Variants in ABCC4 observed in about 807,000 individuals in gnomAD.
ABCC4 encodes the protein ATP binding cassette subfamily C member 4 (PEL blood group).
ABCC4 carries 102 observed loss-of-function variants against 168.5 expected under a neutral mutation model. That is an observed-to-expected ratio of 0.61 (90% CI 0.52 to 0.71). The LOEUF is 0.71. Ranked by LOEUF, ABCC4 falls within the 30% of genes least tolerant of loss-of-function variation. The probability of loss-of-function intolerance (pLI) is 0.00; values close to 1 mark genes in which losing one functional copy is unlikely to be tolerated. For synonymous variants in ABCC4, 617 were observed against 590.7 expected, an observed-to-expected ratio of 1.04 and a Z score of -0.65; for missense variants, 1,402 against 1,605.8, an observed-to-expected ratio of 0.87 and a Z score of 2.17.
At chr13:95,029,243 G>A (rs1377542675) in intron 30 of ABCC4, among the ~76,000 whole-genome samples, 16 of 6,156 alleles carry the variant, frequency 2.6e-3, no homozygotes, top group African/African-American at 5.2e-3. Flanking sequence ...GAGAGAGAGA[G>A]AGAGAGAGAG....
At chr13:95,223,472 A>G (rs1284299617) in intron 4 of ABCC4, among the ~76,000 whole-genome samples, 1 of 152,138 alleles carries the variant, frequency 6.6e-6, no homozygotes, top group Non-Finnish European at 1.5e-5. Context: ...AAAGAGATAG[A>G]GATTTTCAGC....
intron 7 of ABCC4, 118 bp from the exon 8 acceptor site, chr13:95,206,899 T>G: frequency 8.1e-7 from 1 of 1,231,388 alleles, no homozygotes; most frequent in Non-Finnish European, 1.1e-6. Flanking sequence ...CCCAGGAGTT[T>G]GAGACCATCC....
chr13:95,040,925 C>T (rs2032330034), intron 29 of ABCC4, among the ~76,000 whole-genome samples: 1 of 152,226 alleles, frequency 6.6e-6, no homozygotes, highest in Admixed American at 6.5e-5. Flanking sequence ...GAAGAATTCT[C>T]TAACTGCAGA....
At chr13:95,273,908 C>CG (rs2040908516) in intron 1 of ABCC4, among the ~76,000 whole-genome samples, 2 of 151,508 alleles carry the variant, frequency 1.3e-5, no homozygotes, top group Admixed American at 6.6e-5. Flanking sequence ...CTCCGCCCCC[C>CG]GGGGTTCACG....
intron 1 of ABCC4, among the ~76,000 whole-genome samples, chr13:95,282,801 G>C (rs1317610441): frequency 6.6e-6 from 1 of 151,878 alleles, no homozygotes; most frequent in Non-Finnish European, 1.5e-5. Context: ...CCAAAGTGCT[G>C]GGATTACAGG....
Position 95,067,633 on chromosome 13 carries a change from G to A in ABCC4, c.3210+4029C>T, listed in dbSNP as rs148908615. ...GCAGGTGATGCTGATCCCAGCCCCT[G>A]AGATGAGCAAGCAGGCAGGGCAAGT... On this transcript the variant is annotated intron_variant, in intron 25 of 30. Coordinates refer to ENST00000645237, the MANE Select transcript of ABCC4 (RefSeq NM_005845.5). Among the ~76,000 whole-genome samples the A allele has an allele frequency of 2.0e-5, 3 of 152,264 alleles. No homozygotes were observed. In the East Asian group the frequency reaches 5.8e-4, roughly 29 times the overall value.
intron 11 of ABCC4, 69 bp downstream of exon 11, chr13:95,186,632 C>A: frequency 7.0e-7 from 1 of 1,428,304 alleles, no homozygotes; most frequent in Non-Finnish European, 9.5e-7. Flanking sequence ...GTTAATAAAC[C>A]TTGTTGTTCA....
chr13:95,251,024 G>A (rs1300878532), intron 1 of ABCC4, among the ~76,000 whole-genome samples: 1 of 152,104 alleles, frequency 6.6e-6, no homozygotes, highest in African/African-American at 2.4e-5. Flanking sequence ...CTGGGCTCAA[G>A]TGATCCTCCC....
At chr13:95,184,413 T>C (rs559619814) in intron 11 of ABCC4, among the ~76,000 whole-genome samples, 11 of 152,340 alleles carry the variant, frequency 7.2e-5, no homozygotes, top group South Asian at 4.1e-4. Context: ...TTCTACCTTA[T>C]AAACACCCCC....
intron 4 of ABCC4, among the ~76,000 whole-genome samples, chr13:95,217,300 G>A (rs1460958438): frequency 6.6e-6 from 1 of 152,198 alleles, no homozygotes; most frequent in African/African-American, 2.4e-5. Context: ...ATCAAAGGGA[G>A]GTGGAAGGAG....
At chr13:95,212,242 A>C (rs1271846206) in intron 4 of ABCC4, among the ~76,000 whole-genome samples, 1 of 152,102 alleles carries the variant, frequency 6.6e-6, no homozygotes, top group Non-Finnish European at 1.5e-5. Context: ...CAAAGAAAGA[A>C]GAAAATGTAG....
chr13:95,220,874 C>T (rs966639538), intron 4 of ABCC4, among the ~76,000 whole-genome samples: 11 of 152,180 alleles, frequency 7.2e-5, no homozygotes, highest in African/African-American at 2.7e-4. Flanking sequence ...CTTCAAAACA[C>T]ATCAGGACAC....
intron 7 of ABCC4, 101 bp from the exon 8 acceptor site, chr13:95,206,882 G>A: frequency 1.4e-6 from 2 of 1,391,358 alleles, no homozygotes; most frequent in Non-Finnish European, 2.0e-6. Flanking sequence ...TGGATGAATT[G>A]TTTGAACCCA....
chr13:95,075,381 G>GA (rs2033862398), intron 22 of ABCC4, 51 bp downstream of exon 22: 4 of 1,611,338 alleles, frequency 2.5e-6, no homozygotes, highest in Non-Finnish European at 2.5e-6. Context: ...GGTTAAGCCA[G>GA]AAAAAGCAGC....
At chr13:95,083,070 G>T in intron 21 of ABCC4, 70 bp downstream of exon 21, 11 of 1,519,768 alleles carry the variant, frequency 7.2e-6, no homozygotes, top group Non-Finnish European at 5.3e-6. Context: ...ATTTCAGGGG[G>T]TCTCTGTAAT....
chr13:95,298,486 G>A (rs871052), intron 1 of ABCC4, among the ~76,000 whole-genome samples: 73,709 of 151,846 alleles, frequency 0.49, 20,479 homozygotes, highest in East Asian at 0.62. Context: ...AATCAGTCCA[G>A]AGTGGATGCT....
chr13:95,276,389 T>C (rs1249486618), intron 1 of ABCC4, among the ~76,000 whole-genome samples: 1 of 126,970 alleles, frequency 7.9e-6, no homozygotes, highest in Non-Finnish European at 1.6e-5. Flanking sequence ...CACTCGAGCC[T>C]GGGAGACAGT....
In ABCC4 at chr13:95,125,669, A is replaced by C. The variant is rs141021476; in HGVS notation, c.2456-9668T>G. On this transcript the variant is annotated intron_variant, in intron 19 of 30. Transcript: ENST00000645237. ...GTGTGACCCAGGGCAAAGCCGAATC[A>C]CTCATTGCCAGGAAGTATTGTAGGG... is the stretch of plus-strand genomic sequence containing the variant. Among the ~76,000 whole-genome samples the C allele has an allele frequency of 4.9e-3, 747 of 152,314 alleles. 4 individuals carry two copies. The highest frequency in any genetic ancestry group is 1.0e-2 in the South Asian group (48 of 4,824).
At chr13:95,075,690 A>G in intron 21 of ABCC4, 139 bp from the exon 22 acceptor site, 1 of 1,118,368 alleles carries the variant, frequency 8.9e-7, no homozygotes, top group Non-Finnish European at 1.2e-6. Context: ...GGAAAAATAA[A>G]TGTTCCCAAT....
Sources: gnomAD v4.1 joint callset for allele counts (sites outside exome capture counted in the v4.1 genomes callset) on GRCh38, gnomAD v4.1.1 for gene constraint, MANE v1.5 for transcripts, NCBI Gene and HGNC (gene_info 2026-07-23, HGNC 2026-07-21) for gene names.